Variants in ENTREP1 observed in about 807,000 individuals in gnomAD.
The protein encoded by ENTREP1 is Friedreich ataxia region gene X123.
chr9:69,387,947 T>G, the ENTREP1 span: 5 of 1,517,006 alleles, frequency 3.3e-6, no homozygotes, highest in Non-Finnish European at 4.4e-6. Flanking sequence ...CACAATGACG[T>G]GTTTCGGGCC....
the ENTREP1 span, among the ~76,000 whole-genome samples, chr9:69,379,203 A>G: frequency 6.6e-6 from 1 of 152,148 alleles, no homozygotes; most frequent in African/African-American, 2.4e-5. Flanking sequence ...TTAGAGAAGT[A>G]TTTTCTAATG....
At chr9:69,360,033 G>A in the ENTREP1 span, among the ~76,000 whole-genome samples, 1 of 149,272 alleles carries the variant, frequency 6.7e-6, no homozygotes, top group Non-Finnish European at 1.5e-5. Flanking sequence ...TTTTTTATAA[G>A]TAAATAAGTG....
At chr9:69,326,926 T>A in the ENTREP1 span, among the ~76,000 whole-genome samples, 1 of 151,832 alleles carries the variant, frequency 6.6e-6, no homozygotes, top group Non-Finnish European at 1.5e-5. Flanking sequence ...TGCTAGGTTT[T>A]AGTAAGATGT....
chr9:69,340,282 C>G, the ENTREP1 span, among the ~76,000 whole-genome samples: 15 of 152,258 alleles, frequency 9.9e-5, no homozygotes, highest in East Asian at 2.7e-3. Context: ...TTTAGTTGTT[C>G]ACATGAGTCT....
the ENTREP1 span, among the ~76,000 whole-genome samples, chr9:69,373,651 C>T: frequency 6.6e-6 from 1 of 152,216 alleles, no homozygotes; most frequent in Non-Finnish European, 1.5e-5. Flanking sequence ...AGACACAGTG[C>T]TGCCATTAAT....
At chr9:69,358,782 AAT>A in the ENTREP1 span, among the ~76,000 whole-genome samples, 33 of 152,354 alleles carry the variant, frequency 2.2e-4, no homozygotes, top group African/African-American at 7.7e-4. Context: ...ATTTAGGAAA[AAT>A]ATATGTTATT....
chr9:69,376,915 A>T, the ENTREP1 span, among the ~76,000 whole-genome samples: 1 of 152,204 alleles, frequency 6.6e-6, no homozygotes, highest in Non-Finnish European at 1.5e-5. Context: ...GGGGCAGCAC[A>T]GCCAATTGCT....
the ENTREP1 span, among the ~76,000 whole-genome samples, chr9:69,361,014 G>A: frequency 2.0e-5 from 3 of 152,050 alleles, no homozygotes; most frequent in Admixed American, 2.0e-4. Flanking sequence ...TGGCTCCATA[G>A]AATTTTGGCT....
chr9:69,371,400 G>T, the ENTREP1 span: 1 of 890,902 alleles, frequency 1.1e-6, no homozygotes, highest in South Asian at 1.3e-5. Flanking sequence ...TTAAAAAAAT[G>T]TTCTCTTGGA....
the ENTREP1 span, chr9:69,377,818 C>CATGTGGTGAGTTCTGG: frequency 6.9e-7 from 1 of 1,452,662 alleles, no homozygotes; most frequent in Non-Finnish European, 9.3e-7. Flanking sequence ...CTCCAGAACT[C>CATGTGGTGAGTTCTGG]ACCACATGAG....
chr9:69,372,989 G>T, the ENTREP1 span, among the ~76,000 whole-genome samples: 1 of 151,484 alleles, frequency 6.6e-6, no homozygotes, highest in African/African-American at 2.4e-5. Flanking sequence ...ATTAAAGGAA[G>T]AATGTCTATA....
the ENTREP1 span, chr9:69,380,483 G>A: frequency 6.6e-6 from 1 of 152,232 alleles, no homozygotes; most frequent in African/African-American, 2.4e-5. Context: ...CCTCTCAGAA[G>A]AGGTTTGTTT....
chr9:69,384,519 T>C, the ENTREP1 span, among the ~76,000 whole-genome samples: 16 of 152,354 alleles, frequency 1.1e-4, no homozygotes, highest in African/African-American at 3.8e-4. Flanking sequence ...GTTTCCTCTA[T>C]TGCAAGGTGA....
At chr9:69,391,620 C>T in the ENTREP1 span, 5 of 1,614,180 alleles carry the variant, frequency 3.1e-6, no homozygotes, top group Non-Finnish European at 4.2e-6. Context: ...CCATTGCAGC[C>T]CAGCACATCC....
chr9:69,338,601 T>G, the ENTREP1 span, among the ~76,000 whole-genome samples: 19 of 152,236 alleles, frequency 1.2e-4, no homozygotes, highest in Admixed American at 7.9e-4. Context: ...CTTATTACAT[T>G]CTTATCCATT....
chr9:69,376,832 G>T, the ENTREP1 span, among the ~76,000 whole-genome samples: 1 of 152,202 alleles, frequency 6.6e-6, no homozygotes, highest in Non-Finnish European at 1.5e-5. Context: ...ATTTTGAGAT[G>T]TGTGTTTAGT....
the ENTREP1 span, chr9:69,375,810 T>C: frequency 1.9e-5 from 30 of 1,613,984 alleles, no homozygotes; most frequent in Non-Finnish European, 2.4e-5. Flanking sequence ...ACAAAGAAAA[T>C]GCCTTGAAAC....
chr9:69,355,788 T>A, the ENTREP1 span, among the ~76,000 whole-genome samples: 1 of 152,198 alleles, frequency 6.6e-6, no homozygotes, highest in Non-Finnish European at 1.5e-5. Flanking sequence ...CAAGTGATAC[T>A]GGCTGTTGCC....
chr9:69,367,846 TATAA>T, the ENTREP1 span, among the ~76,000 whole-genome samples: 1 of 137,366 alleles, frequency 7.3e-6, no homozygotes, highest in African/African-American at 2.7e-5. Context: ...CACATATATA[TATAA>T]ATATATACAC....
Sources: allele counts gnomAD v4.1 joint callset (sites outside exome capture counted in the v4.1 genomes callset), GRCh38; gene constraint gnomAD v4.1.1; transcripts MANE v1.5; gene names NCBI Gene and HGNC (gene_info 2026-07-23, HGNC 2026-07-21).